SRGAP3: variants seen among roughly 807,000 people sequenced by gnomAD.
SRGAP3 encodes the protein SLIT-ROBO Rho GTPase-activating protein 3.
A neutral mutation model predicts 121.1 loss-of-function variants in SRGAP3; 39 were observed. The observed-to-expected ratio is 0.32, with a 90% CI of 0.25 to 0.42. SRGAP3 has a LOEUF of 0.42. SRGAP3 is among the 10% of genes least tolerant of loss of function. The pLI is 1.00. For synonymous variants in SRGAP3, 601 were observed against 570.0 expected, an observed-to-expected ratio of 1.05 and a Z score of -0.77; for missense variants, 1,213 against 1,470.6, an observed-to-expected ratio of 0.82 and a Z score of 2.86.
chr3:9,245,468 T>C (rs1953785691), intron 1 of SRGAP3, among the ~76,000 whole-genome samples: 1 of 152,134 alleles, frequency 6.6e-6, no homozygotes, highest in Non-Finnish European at 1.5e-5. Flanking sequence ...ACCATCCTAT[T>C]ATATGAGGAT....
At chr3:8,999,118 T>C (rs1397221564) in intron 18 of SRGAP3, among the ~76,000 whole-genome samples, 1 of 152,250 alleles carries the variant, frequency 6.6e-6, no homozygotes, top group Non-Finnish European at 1.5e-5. Context: ...GTAAAAACCC[T>C]GTGGGCTCTA....
At chr3:9,171,928 C>A (rs1049575757) in intron 1 of SRGAP3, among the ~76,000 whole-genome samples, 6 of 151,994 alleles carry the variant, frequency 3.9e-5, no homozygotes, top group Admixed American at 3.3e-4. Flanking sequence ...TGCCTCTGTC[C>A]TGGCTTCTGG....
At chr3:9,202,497 T>A (rs1458053946) in intron 1 of SRGAP3, among the ~76,000 whole-genome samples, 1 of 152,194 alleles carries the variant, frequency 6.6e-6, no homozygotes, top group Non-Finnish European at 1.5e-5. Flanking sequence ...CACTCTGATG[T>A]TCACTAGCCT....
chr3:9,137,837 A>G (rs1407982809), intron 1 of SRGAP3, among the ~76,000 whole-genome samples: 1 of 152,220 alleles, frequency 6.6e-6, no homozygotes, highest in Non-Finnish European at 1.5e-5. Flanking sequence ...AGCTGCCTCC[A>G]CACCTTCCAG....
intron 1 of SRGAP3, among the ~76,000 whole-genome samples, chr3:9,137,810 TGAA>T (rs2125023689): frequency 6.6e-6 from 1 of 152,290 alleles, no homozygotes; most frequent in East Asian, 1.9e-4. Context: ...TTCCTTCCCA[TGAA>T]GAAGTCAGAC....
chr3:9,136,494 T>A (rs1369656939), intron 1 of SRGAP3, among the ~76,000 whole-genome samples: 1 of 151,524 alleles, frequency 6.6e-6, no homozygotes, highest in Non-Finnish European at 1.5e-5. Context: ...GGATTCCTTC[T>A]TCGCAGACGC....
chr3:9,223,286 A>G (rs769370349), intron 1 of SRGAP3, among the ~76,000 whole-genome samples: 36 of 152,246 alleles, frequency 2.4e-4, no homozygotes, highest in Non-Finnish European at 5.9e-5. Context: ...TAAAATGTTT[A>G]TCACCTGGTT....
chr3:9,297,888 T>G (rs567692734), intron 3 of SRGAP3, among the ~76,000 whole-genome samples: 9 of 149,528 alleles, frequency 6.0e-5, no homozygotes, highest in African/African-American at 2.2e-4. Context: ...AGAGTGAGAC[T>G]CAGTCTCAAA....
intron 2 of SRGAP3, among the ~76,000 whole-genome samples, chr3:9,329,804 G>A (rs971903701): frequency 5.9e-5 from 9 of 152,068 alleles, no homozygotes; most frequent in Admixed American, 5.2e-4. Context: ...AGCTCCCCAT[G>A]TCCCACGATC....
chr3:9,159,363 G>T (rs978677094), intron 1 of SRGAP3, among the ~76,000 whole-genome samples: 1 of 151,890 alleles, frequency 6.6e-6, no homozygotes, highest in Non-Finnish European at 1.5e-5. Context: ...TACCTCCCCC[G>T]GCCAGCTCGC....
At chr3:9,292,452 A>G (rs1954885667) in intron 3 of SRGAP3, 1 of 152,060 alleles carries the variant, frequency 6.6e-6, no homozygotes, top group African/African-American at 2.4e-5. Flanking sequence ...TACACTTCCA[A>G]AATAGTCACT....
At chr3:9,262,828 C>G (rs1220503879) in intron 3 of SRGAP3, among the ~76,000 whole-genome samples, 1 of 152,076 alleles carries the variant, frequency 6.6e-6, no homozygotes, top group East Asian at 1.9e-4. Flanking sequence ...AGAAAATTAA[C>G]AAGGATATTC....
At chr3:9,123,695 ACT>A (rs984227216) in intron 2 of SRGAP3, among the ~76,000 whole-genome samples, 3 of 144,064 alleles carry the variant, frequency 2.1e-5, no homozygotes, top group East Asian at 2.0e-4. Context: ...ACAGAGTGAG[ACT>A]CTGTCTCAAA....
chr3:9,050,226 G>A (rs1189424795), intron 9 of SRGAP3, among the ~76,000 whole-genome samples: 1 of 152,298 alleles, frequency 6.6e-6, no homozygotes, highest in South Asian at 2.1e-4. Flanking sequence ...CTCTATAGAT[G>A]CTTCCAGCAA....
chr3:9,181,807 GAACTCT>G (rs1409113992), intron 1 of SRGAP3, among the ~76,000 whole-genome samples: 1 of 152,196 alleles, frequency 6.6e-6, no homozygotes, highest in Non-Finnish European at 1.5e-5. Flanking sequence ...GTTACAGGTT[GAACTCT>G]AACTCTCCAA....
chr3:8,995,542 G>A (rs536557375), intron 18 of SRGAP3, among the ~76,000 whole-genome samples: 214 of 152,238 alleles, frequency 1.4e-3, no homozygotes, highest in African/African-American at 5.0e-3. Flanking sequence ...TGAGGTATTC[G>A]GTTGACAGCA....
At chr3:9,362,072 T>G (rs1010084615) in intron 1 of SRGAP3, among the ~76,000 whole-genome samples, 1 of 152,136 alleles carries the variant, frequency 6.6e-6, no homozygotes, top group Non-Finnish European at 1.5e-5. Context: ...CCCTGTCTTA[T>G]TCTTCCAACC....
At chr3:9,039,060 T>C (rs1472232885) in intron 10 of SRGAP3, among the ~76,000 whole-genome samples, 1 of 152,212 alleles carries the variant, frequency 6.6e-6, no homozygotes, top group Non-Finnish European at 1.5e-5. Context: ...TCCTCATCCC[T>C]GGGCTGACAC....
Position 8,994,480 on chromosome 3 carries a change from C to G in SRGAP3, c.2271G>C (p.Gly757=). The change falls in exon 19 of 22, where the codon GGG becomes GGC. Residue 757 remains glycine (G), a synonymous_variant. Transcript: ENST00000383836. ...IEAIAKFDYM[G]RSPRELSFKK... is the part of the protein sequence containing the mutation. ...TGAAGGATAGCTCACGCGGGGACCG[C>G]CCCATGTAGTCAAACTTGGCAATAG... The G allele has an allele frequency of 6.2e-7, 1 of 1,614,154 alleles. No individual in the cohort carries two copies. The highest frequency in any genetic ancestry group is 8.5e-7 in the Non-Finnish European group (1 of 1,180,046).
Sources: gnomAD v4.1 joint callset for allele counts (sites outside exome capture counted in the v4.1 genomes callset) on GRCh38, gnomAD v4.1.1 for gene constraint, MANE v1.5 for transcripts, NCBI Gene and HGNC (gene_info 2026-07-23, HGNC 2026-07-21) for gene names.